Variants in FRS2 observed in about 807,000 individuals in gnomAD.
FRS2 encodes the protein fibroblast growth factor receptor substrate 2, also known as FGFR signalling adaptor.
Under a neutral mutation model 43.9 loss-of-function variants are expected in FRS2, and 8 were observed. That is an observed-to-expected ratio of 0.18 (90% confidence interval 0.11 to 0.33). The LOEUF is 0.33. Ranked by LOEUF, FRS2 falls within the 10% of genes least tolerant of loss-of-function variation. FRS2 has a pLI of 1.00. For missense variants in FRS2, 534 were observed against 627.6 expected (o/e 0.85, Z 1.59); for synonymous variants, 219 against 220.3 (o/e 0.99, Z 0.05).
chr12:69,473,638 T>C (rs1870506563), intron 1 of FRS2, among the ~76,000 whole-genome samples: 1 of 152,152 alleles, frequency 6.6e-6, no homozygotes, highest in Admixed American at 6.5e-5. Flanking sequence ...GTTCGACGTT[T>C]GGGAGGTAAT....
intron 1 of FRS2, among the ~76,000 whole-genome samples, chr12:69,515,208 CT>C (rs1398729993): frequency 6.6e-6 from 1 of 152,110 alleles, no homozygotes; most frequent in Non-Finnish European, 1.5e-5. Flanking sequence ...CTTTTCTGTC[CT>C]GATGCATTTA....
chr12:69,520,514 T>C (rs1875531528), intron 1 of FRS2, among the ~76,000 whole-genome samples: 1 of 152,136 alleles, frequency 6.6e-6, no homozygotes, highest in Non-Finnish European at 1.5e-5. Flanking sequence ...AGAATGATAT[T>C]GCCTAGGTTG....
intron 3 of FRS2, among the ~76,000 whole-genome samples, chr12:69,542,897 G>A (rs966883645): frequency 6.6e-6 from 1 of 152,214 alleles, no homozygotes; most frequent in Non-Finnish European, 1.5e-5. Context: ...CAAAGAATGA[G>A]CTAGCTTGGA....
intron 1 of FRS2, among the ~76,000 whole-genome samples, chr12:69,511,329 A>G (rs1473604164): frequency 6.6e-6 from 1 of 152,190 alleles, no homozygotes; most frequent in East Asian, 1.9e-4. Flanking sequence ...TTGTTTTCCT[A>G]AAGGGACCAT....
rs184442523 is a variant in FRS2, at chr12:69,534,644, G to A, written c.-122+2588G>A. On this transcript the variant is annotated intron_variant, in intron 3 of 8. Transcript: ENST00000549921. ...CAAGTTCTCGATGTGTGAGCTGAGG[G>A]AAGGAATGTGGTGTGATTATGCATC... Among the ~76,000 whole-genome samples, 559 of 152,276 alleles carry A rather than the reference G, an allele frequency of 3.7e-3. 1 individual carries two copies. Among genetic ancestry groups the A allele is most frequent in the African/African-American group, 0.013 (535 of 41,556 alleles).
Position 69,577,712 on chromosome 12 carries a change from A to T in FRS2, c.*2757A>T, listed in dbSNP as rs941895239. The T allele has an allele frequency of 6.6e-6, 1 of 152,564 alleles. No homozygotes were observed. Among genetic ancestry groups the T allele is most frequent in the African/African-American group, 2.4e-5 (1 of 41,432 alleles). The allele number at this position is 152,564 out of a possible 1,614,324, so 9.5% of individuals were successfully genotyped here. On this transcript the variant is annotated 3_prime_UTR_variant, in exon 9 of 9. Coordinates refer to ENST00000549921, the MANE Select transcript of FRS2 (RefSeq NM_001278356.2). Reference sequence around the variant, plus strand: ...TTAGTGTGTTTTATTTCCCAGTTTCATCTTCTTCTAAAAATGAAAATATGG... The same window carrying T: ...TTAGTGTGTTTTATTTCCCAGTTTCTTCTTCTTCTAAAAATGAAAATATGG...
At position 69,577,276 on chromosome 12, in the gene FRS2, A is replaced by G. The variant is rs2135832441; in HGVS notation, c.*2321A>G. ...ATTTGATTTTAGGTACTATAAGAGT[A>G]TTAGGAAAATATATACAACTGGTGT... On this transcript the variant is annotated 3_prime_UTR_variant, in exon 9 of 9. Coordinates refer to ENST00000549921, the MANE Select transcript of FRS2 (RefSeq NM_001278356.2). 6.6e-6 allele frequency: 1 copy of G among 152,300 alleles called. No individual in the cohort carries two copies. Among genetic ancestry groups the G allele is most frequent in the South Asian group, 2.1e-4 (1 of 4,824 alleles). 9.4% of individuals were successfully genotyped at this position (152,300 alleles called of 1,614,324 possible). A position where few individuals can be genotyped will look rare whatever the true frequency, so the allele number is the denominator to read the frequency against.
chr12:69,472,127 C>T (rs1870356677), intron 1 of FRS2, among the ~76,000 whole-genome samples: 1 of 152,166 alleles, frequency 6.6e-6, no homozygotes, highest in Non-Finnish European at 1.5e-5. Context: ...CATTCTGCTG[C>T]CCAGGCTGCA....
intron 1 of FRS2, among the ~76,000 whole-genome samples, chr12:69,527,192 C>G (rs1331810153): frequency 6.6e-6 from 1 of 152,030 alleles, no homozygotes; most frequent in Non-Finnish European, 1.5e-5. Flanking sequence ...TCTTTTAGAC[C>G]TAAGCATGGC....
At chr12:69,517,688 C>T (rs1013541440) in intron 1 of FRS2, among the ~76,000 whole-genome samples, 2 of 152,138 alleles carry the variant, frequency 1.3e-5, no homozygotes, top group African/African-American at 4.8e-5. Context: ...TTTATTTAAA[C>T]TCTTCAGCAT....
Position 69,485,082 on chromosome 12 carries a change from AACACACACACACACAC to A in FRS2, c.-261+14591_-261+14606del, listed in dbSNP as rs71094716. 1.3e-3 allele frequency among the ~76,000 whole-genome samples: 112 copies of A among 85,342 alleles called. 1 individual carries two copies. The highest frequency in any genetic ancestry group is 6.4e-3 in the Middle Eastern group (1 of 156). 56.0% of individuals were successfully genotyped at this position (85,342 alleles called of 152,430 possible). ...GAAACATAGTAAGACCTCATCTTAA[AACACACACACACACAC>A]ACACACACACACACACACACACACA... On this transcript the variant is annotated intron_variant, in intron 1 of 8. Coordinates refer to ENST00000549921, the MANE Select transcript of FRS2 (RefSeq NM_001278356.2).
chr12:69,542,966 T>TC (rs1305303778), intron 3 of FRS2, among the ~76,000 whole-genome samples: 2 of 152,198 alleles, frequency 1.3e-5, no homozygotes, highest in Non-Finnish European at 2.9e-5. Flanking sequence ...GATAGTGTCT[T>TC]CAGGAGTTAC....
intron 4 of FRS2, among the ~76,000 whole-genome samples, chr12:69,563,594 A>G (rs773607750): frequency 5.9e-5 from 9 of 152,092 alleles, no homozygotes; most frequent in Non-Finnish European, 1.3e-4. Flanking sequence ...TATCCTGTGG[A>G]CTGCTGAGCA....
At chr12:69,473,008 T>G (rs556937730) in intron 1 of FRS2, among the ~76,000 whole-genome samples, 1 of 152,194 alleles carries the variant, frequency 6.6e-6, no homozygotes, top group Non-Finnish European at 1.5e-5. Context: ...TAAATACTTA[T>G]GGGTGGTTTG....
intron 1 of FRS2, among the ~76,000 whole-genome samples, chr12:69,525,055 GTCT>G (rs975612245): frequency 6.6e-6 from 1 of 152,108 alleles, no homozygotes; most frequent in Non-Finnish European, 1.5e-5. Flanking sequence ...GAGTGCACGA[GTCT>G]TCCTGATGTC....
intron 3 of FRS2, among the ~76,000 whole-genome samples, chr12:69,544,715 TTAATAA>T (rs1379989042): frequency 6.6e-6 from 1 of 151,544 alleles, no homozygotes; most frequent in African/African-American, 2.4e-5. Context: ...GGAAAAAAAA[TTAATAA>T]TAAATAAATA....
At chr12:69,528,172 C>CA (rs1288804671) in intron 1 of FRS2, among the ~76,000 whole-genome samples, 1 of 152,154 alleles carries the variant, frequency 6.6e-6, no homozygotes, top group Non-Finnish European at 1.5e-5. Context: ...TGAAGTTTGC[C>CA]AGCCATAGAA....
chr12:69,508,683 T>C (rs1362582968), intron 1 of FRS2, among the ~76,000 whole-genome samples: 1 of 152,212 alleles, frequency 6.6e-6, no homozygotes, highest in African/African-American at 2.4e-5. Flanking sequence ...TCTCTTCACC[T>C]CCAATTACCA....
At chr12:69,541,804 G>A (rs1199174231) in intron 3 of FRS2, among the ~76,000 whole-genome samples, 17 of 139,404 alleles carry the variant, frequency 1.2e-4, no homozygotes, top group Non-Finnish European at 2.1e-4. Context: ...CAACCTGGGC[G>A]ACAGGGTGAG....
Sources: gnomAD v4.1 joint callset for allele counts (sites outside exome capture counted in the v4.1 genomes callset) on GRCh38, gnomAD v4.1.1 for gene constraint, MANE v1.5 for transcripts, NCBI Gene and HGNC (gene_info 2026-07-23, HGNC 2026-07-21) for gene names.